RPS6KA2: variants seen among roughly 807,000 people sequenced by gnomAD.
RPS6KA2 encodes ribosomal protein S6 kinase alpha-2.
In RPS6KA2, 42 loss-of-function variants were observed where a neutral mutation model predicts 91.8. The observed-to-expected ratio is 0.46, with a 90% CI of 0.36 to 0.59. The LOEUF (loss-of-function observed/expected upper bound fraction) is 0.59, where lower values mean the gene tolerates loss of function less well. Ranked by LOEUF, RPS6KA2 falls within the 20% of genes least tolerant of loss-of-function variation. RPS6KA2 has a pLI of 0.00. For missense variants in RPS6KA2, 798 were observed against 978.5 expected, an observed-to-expected ratio of 0.82 and a Z score of 2.46; for synonymous variants, 414 against 393.6, an observed-to-expected ratio of 1.05 and a Z score of -0.61.
intron 1 of RPS6KA2, among the ~76,000 whole-genome samples, chr6:166,623,275 G>GC (rs897887844): frequency 4.2e-5 from 6 of 143,776 alleles, no homozygotes; most frequent in African/African-American, 1.6e-4. Flanking sequence ...CTTTTAATTA[G>GC]TTTAAATGTA....
chr6:166,501,041 T>C, intron 6 of RPS6KA2, 117 bp from the exon 7 acceptor site: 1 of 865,140 alleles, frequency 1.2e-6, no homozygotes, highest in Non-Finnish European at 1.9e-6. Context: ...CAGGGAGCCC[T>C]GATGGAGCTG....
chr6:166,642,898 A>G (rs1461244372), intron 2 of RPS6KA2, among the ~76,000 whole-genome samples: 1 of 152,174 alleles, frequency 6.6e-6, no homozygotes, highest in East Asian at 1.9e-4. Context: ...GCAGTGAGCA[A>G]CCTTGGGAAA....
intron 1 of RPS6KA2, among the ~76,000 whole-genome samples, chr6:166,594,574 T>C (rs900721627): frequency 5.3e-5 from 8 of 152,324 alleles, no homozygotes; most frequent in South Asian, 2.1e-4. Context: ...GCCATTCTCC[T>C]GCCTCAGCCT....
At chr6:166,698,006 G>T (rs1789404426) in intron 2 of RPS6KA2, among the ~76,000 whole-genome samples, 1 of 152,096 alleles carries the variant, frequency 6.6e-6, no homozygotes, top group Non-Finnish European at 1.5e-5. Flanking sequence ...AGAGTCGATA[G>T]TTAAATCTCT....
chr6:166,548,407 C>T (rs1783895559), intron 1 of RPS6KA2, among the ~76,000 whole-genome samples: 1 of 152,098 alleles, frequency 6.6e-6, no homozygotes. Flanking sequence ...TGAAAAAACA[C>T]TAAAGTGGGA....
intron 4 of RPS6KA2, among the ~76,000 whole-genome samples, chr6:166,509,622 A>C (rs982146863): frequency 6.6e-6 from 1 of 152,178 alleles, no homozygotes; most frequent in Admixed American, 6.5e-5. Context: ...GCTCATCTGG[A>C]TTATTAGGTG....
intron 15 of RPS6KA2, among the ~76,000 whole-genome samples, chr6:166,432,101 G>A (rs961971624): frequency 6.6e-6 from 1 of 152,136 alleles, no homozygotes; most frequent in Non-Finnish European, 1.5e-5. Context: ...CTGTGCTCCC[G>A]GATCCCAAAC....
At chr6:166,651,248 G>A (rs1005953580) in intron 2 of RPS6KA2, among the ~76,000 whole-genome samples, 3 of 152,130 alleles carry the variant, frequency 2.0e-5, no homozygotes, top group Non-Finnish European at 4.4e-5. Flanking sequence ...ACTTCTAGAG[G>A]CTCCATCTGC....
intron 2 of RPS6KA2, among the ~76,000 whole-genome samples, chr6:166,790,621 G>A (rs1306597713): frequency 2.6e-5 from 4 of 152,258 alleles, no homozygotes; most frequent in Middle Eastern, 6.8e-3. Context: ...GAGAAAGCTC[G>A]GGTTACCCAC....
chr6:166,741,065 T>G (rs1312133074), intron 2 of RPS6KA2, among the ~76,000 whole-genome samples: 2 of 152,200 alleles, frequency 1.3e-5, no homozygotes, highest in Admixed American at 6.5e-5. Flanking sequence ...ATGCAGGCGC[T>G]CATCCAAAGG....
chr6:166,481,252 T>C (rs985960557), intron 10 of RPS6KA2, among the ~76,000 whole-genome samples: 2 of 152,266 alleles, frequency 1.3e-5, no homozygotes, highest in Non-Finnish European at 2.9e-5. Context: ...GGAATTTTCC[T>C]GAAAAGCCTT....
intron 1 of RPS6KA2, among the ~76,000 whole-genome samples, chr6:166,550,845 C>CAA (rs1485414774): frequency 6.6e-6 from 1 of 151,760 alleles, no homozygotes; most frequent in Non-Finnish European, 1.5e-5. Flanking sequence ...TACTAAAATA[C>CAA]AAAAAATTAG....
At position 166,495,102 on chromosome 6, in the gene RPS6KA2, T is replaced by C. The variant is rs1781741181; in HGVS notation, c.747+3406A>G. 6.6e-6 allele frequency among the ~76,000 whole-genome samples: 1 copy of C among 152,234 alleles called. No homozygotes were observed. The highest frequency in any genetic ancestry group is 2.4e-5 in the African/African-American group (1 of 41,458). Reference sequence around the variant, plus strand: ...GTGGGCGGGCGGCACTAAATGAGAATGTGTTTCTGGGACTATTATGTGATC... The same window carrying C: ...GTGGGCGGGCGGCACTAAATGAGAACGTGTTTCTGGGACTATTATGTGATC... On this transcript the variant is annotated intron_variant, in intron 8 of 20. Coordinates refer to ENST00000265678, the MANE Select transcript of RPS6KA2 (RefSeq NM_021135.6). The surrounding 1 kb of genome is among the most constrained non-coding windows in gnomAD (Gnocchi z 4.4).
At chr6:166,442,834 G>A (rs915846571) in intron 14 of RPS6KA2, among the ~76,000 whole-genome samples, 7 of 152,160 alleles carry the variant, frequency 4.6e-5, no homozygotes, top group Admixed American at 4.6e-4. Flanking sequence ...TATGAGAAGG[G>A]GAGATACTAG....
At chr6:166,640,467 G>A (rs958935908) in intron 2 of RPS6KA2, among the ~76,000 whole-genome samples, 2 of 152,188 alleles carry the variant, frequency 1.3e-5, no homozygotes, top group Non-Finnish European at 2.9e-5. Context: ...CCTGTGGTGC[G>A]GTCTCCTCCT....
intron 2 of RPS6KA2, among the ~76,000 whole-genome samples, chr6:166,709,245 A>C (rs1332206305): frequency 6.6e-6 from 1 of 152,242 alleles, no homozygotes; most frequent in Non-Finnish European, 1.5e-5. Flanking sequence ...CGCATGTAGA[A>C]AATCATTACT....
At chr6:166,858,302 G>A (rs1400319932) in intron 1 of RPS6KA2, 5 of 1,103,138 alleles carry the variant, frequency 4.5e-6, no homozygotes, top group Non-Finnish European at 6.8e-6. Context: ...GCATTGCCAT[G>A]TGTTTGTAGG....
At chr6:166,649,135 C>T (rs1051820997) in intron 2 of RPS6KA2, among the ~76,000 whole-genome samples, 16 of 152,184 alleles carry the variant, frequency 1.1e-4, no homozygotes, top group African/African-American at 1.2e-4. Context: ...AGCTTCATCT[C>T]GCACCACTCA....
chr6:166,706,924 T>C (rs1789695908), intron 2 of RPS6KA2, among the ~76,000 whole-genome samples: 1 of 152,234 alleles, frequency 6.6e-6, no homozygotes, highest in Non-Finnish European at 1.5e-5. Context: ...ATAGGAAGTT[T>C]TTGAAAAACA....
Sources: gnomAD v4.1 joint callset for allele counts (sites outside exome capture counted in the v4.1 genomes callset) on GRCh38, gnomAD v4.1.1 for gene constraint, Gnocchi (gnomAD v3.1) non-coding constraint, MANE v1.5 for transcripts, NCBI Gene and HGNC (gene_info 2026-07-23, HGNC 2026-07-21) for gene names.